Variants in PPP2R2C observed in about 807,000 individuals in gnomAD.
PPP2R2C encodes protein phosphatase 2, regulatory subunit B, gamma.
Under a neutral mutation model 45.3 loss-of-function variants are expected in PPP2R2C, and 10 were observed. The observed-to-expected ratio is 0.22, with a 90% CI of 0.14 to 0.37. PPP2R2C has a LOEUF of 0.37. Ranked by LOEUF, PPP2R2C falls within the 10% of genes least tolerant of loss-of-function variation. The pLI is 1.00. For synonymous variants in PPP2R2C, 257 were observed against 245.4 expected (o/e 1.05, Z -0.44); for missense variants, 308 against 619.7 (o/e 0.50, Z 5.34).
intron 5 of PPP2R2C, chr4:6,348,966 G>C (rs13105375): frequency 0.68 from 650,888 of 963,372 alleles, 225,680 homozygotes; most frequent in South Asian, 0.71. Flanking sequence ...AACTCGTCCG[G>C]GGTGGCCCAG....
At chr4:6,416,178 A>AATGATCCTCCCTCCCTC (rs772999023) in intron 1 of PPP2R2C, among the ~76,000 whole-genome samples, 1 of 151,772 alleles carries the variant, frequency 6.6e-6, no homozygotes, top group East Asian at 1.9e-4. Context: ...CAAGGATAAC[A>AATGATCCTCCCTCCCTC]ACCTTCCATA....
intron 1 of PPP2R2C, among the ~76,000 whole-genome samples, chr4:6,401,137 T>G (rs1717385946): frequency 6.6e-6 from 1 of 152,234 alleles, no homozygotes; most frequent in Non-Finnish European, 1.5e-5. Flanking sequence ...CAAATTGTAT[T>G]CAACATTTTA....
chr4:6,502,175 C>A (rs1034238265), intron 2 of PPP2R2C, among the ~76,000 whole-genome samples: 1 of 152,192 alleles, frequency 6.6e-6, no homozygotes, highest in Non-Finnish European at 1.5e-5. Context: ...GTGATCAGAG[C>A]CCCTCAGGGT....
chr4:6,350,735 A>T, intron 5 of PPP2R2C: 1 of 985,348 alleles, frequency 1.0e-6, no homozygotes. Flanking sequence ...GCTTCTGCCA[A>T]TGAATAGACA....
chr4:6,379,031 CT>C (rs5855910), intron 2 of PPP2R2C, among the ~76,000 whole-genome samples: 22,619 of 151,982 alleles, frequency 0.15, 2,246 homozygotes, highest in East Asian at 0.35. Flanking sequence ...GACGCCAAGG[CT>C]TGAGGCTCTG....
exon 2 of PPP2R2C, chr4:6,535,284 C>T (rs1724568639): frequency 6.5e-7 from 1 of 1,535,430 alleles, no homozygotes; most frequent in Non-Finnish European, 8.7e-7. Flanking sequence ...AAACTTCCAT[C>T]AGCTGAGGTG....
intron 2 of PPP2R2C, among the ~76,000 whole-genome samples, chr4:6,514,355 C>T (rs923712237): frequency 1.4e-4 from 22 of 152,196 alleles, no homozygotes; most frequent in African/African-American, 5.1e-4. Flanking sequence ...GGTATTTGTA[C>T]ATCTATCCCC....
At chr4:6,360,139 T>C (rs1713595586) in intron 5 of PPP2R2C, among the ~76,000 whole-genome samples, 1 of 152,218 alleles carries the variant, frequency 6.6e-6, no homozygotes, top group Admixed American at 6.5e-5. Context: ...GAACTGCCCA[T>C]GTGCCAACCC....
chr4:6,328,356 C>G lies in PPP2R2C; in HGVS notation c.1052+906G>C, dbSNP rs993179851. On this transcript the variant is annotated intron_variant, in intron 8 of 8. Transcript: ENST00000382599. The surrounding 1 kb of genome is among the most constrained non-coding windows in gnomAD (Gnocchi z 4.4). The stretch of plus-strand genomic sequence containing the variant: ...TCTGGGCGGCTGGACAAAGAGGCAT[C>G]CTGTCCTTGAGGAAGCAGCTGTAGG... 2.6e-5 allele frequency among the ~76,000 whole-genome samples: 4 copies of G among 152,302 alleles called. No homozygotes were observed. Among genetic ancestry groups the G allele is most frequent in the East Asian group, 1.9e-4 (1 of 5,188 alleles).
At position 6,540,993 on chromosome 4, in the gene PPP2R2C, G is replaced by A. The variant is rs887636363; in HGVS notation, c.-58-5616C>T. Among the ~76,000 whole-genome samples the A allele has an allele frequency of 5.9e-5, 9 of 152,328 alleles. No individual in the cohort carries two copies. In the East Asian group the frequency reaches 1.7e-3, roughly 29 times the overall value. On this transcript the variant is annotated intron_variant, in intron 1 of 9. Coordinates refer to the PPP2R2C transcript ENST00000506140. ...ATCTGCTTCTCCATCCATAGCATAT[G>A]GTGTCCTCAAGTCACTTCATGATTA...
chr4:6,323,045 A>C lies in PPP2R2C; in HGVS notation c.*257T>G. 1 of 414,720 alleles carries C rather than the reference A, an allele frequency of 2.4e-6. No individual in the cohort carries two copies. Among genetic ancestry groups the C allele is most frequent in the Non-Finnish European group, 4.3e-6 (1 of 234,136 alleles). 25.7% of individuals were successfully genotyped at this position (414,720 alleles called of 1,614,324 possible). On this transcript the variant is annotated 3_prime_UTR_variant, in exon 9 of 9. Transcript: ENST00000382599. ...ACTGTAAGACTCCACAGTCATGTCC[A>C]TTTTATGATTTGTGGCGGTGAACGC...
chr4:6,411,261 G>C (rs1047722868), intron 1 of PPP2R2C, among the ~76,000 whole-genome samples: 2 of 152,106 alleles, frequency 1.3e-5, no homozygotes, highest in South Asian at 2.1e-4. Flanking sequence ...GGTGGGGCCA[G>C]GACTCCAGCC....
At chr4:6,353,933 G>GC (rs1320542338) in intron 5 of PPP2R2C, among the ~76,000 whole-genome samples, 1 of 19,898 alleles carries the variant, frequency 5.0e-5, no homozygotes. Context: ...CACACCGACA[G>GC]CCCCCCACAC....
At chr4:6,536,908 T>G (rs1724636595) in intron 1 of PPP2R2C, among the ~76,000 whole-genome samples, 1 of 152,106 alleles carries the variant, frequency 6.6e-6, no homozygotes. Flanking sequence ...TGTGCCAATA[T>G]GGAAAGATAT....
chr4:6,377,698 C>T (rs945755414), intron 3 of PPP2R2C, among the ~76,000 whole-genome samples: 5 of 152,228 alleles, frequency 3.3e-5, no homozygotes, highest in East Asian at 1.9e-4. Context: ...GTGTCCTACC[C>T]GACCCCAGGC....
chr4:6,361,988 A>T (rs1298310645), intron 5 of PPP2R2C, among the ~76,000 whole-genome samples: 1 of 152,010 alleles, frequency 6.6e-6, no homozygotes, highest in African/African-American at 2.4e-5. Context: ...AGTAGGAATT[A>T]TCCCGGCAGA....
At chr4:6,462,629 A>G (rs567869326) in intron 1 of PPP2R2C, among the ~76,000 whole-genome samples, 1 of 152,346 alleles carries the variant, frequency 6.6e-6, no homozygotes, top group African/African-American at 2.4e-5. Flanking sequence ...CCACCCAACC[A>G]TAAGAGACAT....
At chr4:6,555,933 G>A (rs1725387109) in intron 1 of PPP2R2C, among the ~76,000 whole-genome samples, 1 of 152,150 alleles carries the variant, frequency 6.6e-6, no homozygotes, top group East Asian at 1.9e-4. Flanking sequence ...AGAGTTGAAG[G>A]CCATATTTTC....
At chr4:6,461,063 C>T (rs1393471109) in intron 1 of PPP2R2C, among the ~76,000 whole-genome samples, 3 of 152,106 alleles carry the variant, frequency 2.0e-5, no homozygotes, top group Non-Finnish European at 2.9e-5. Flanking sequence ...AGCCGAAGCC[C>T]GGAATCCCTC....
Sources: allele counts gnomAD v4.1 joint callset (sites outside exome capture counted in the v4.1 genomes callset), GRCh38; gene constraint gnomAD v4.1.1; non-coding constraint Gnocchi (gnomAD v3.1); transcripts MANE v1.5; gene names NCBI Gene and HGNC (gene_info 2026-07-23, HGNC 2026-07-21).